The following PLPPR5 variants were observed in gnomAD, a reference collection of about 807,000 sequenced individuals.
The protein encoded by PLPPR5 is phospholipid phosphatase related 5, also known as phospholipid phosphatase-related protein type 5.
A neutral mutation model predicts 33.9 loss-of-function variants in PLPPR5; 16 were observed. That is an observed-to-expected ratio of 0.47 (90% CI 0.32 to 0.72). The LOEUF is 0.72. PLPPR5 is among the 30% of genes least tolerant of loss of function. The pLI is 0.03. For synonymous variants in PLPPR5, 163 were observed against 150.3 expected (o/e 1.08, Z -0.62); for missense variants, 301 against 406.7 (o/e 0.74, Z 2.23).
chr1:98,938,503 A>T lies in PLPPR5; in HGVS notation c.621+14567T>A, dbSNP rs538433724. Reference sequence around the variant, plus strand: ...ACATAAAATAGCATATTGAATATTTATAGCTTTAAAATTAAAATACATTTA... The same window carrying T: ...ACATAAAATAGCATATTGAATATTTTTAGCTTTAAAATTAAAATACATTTA... On this transcript the variant is annotated intron_variant, in intron 3 of 5. Transcript: ENST00000263177. Among the ~76,000 whole-genome samples the T allele has an allele frequency of 2.8e-3, 420 of 148,392 alleles. 2 individuals are homozygous for T. The highest frequency in any genetic ancestry group is 4.7e-3 in the Non-Finnish European group (313 of 67,282).
chr1:98,908,853 C>T (rs1460185065), intron 5 of PLPPR5, among the ~76,000 whole-genome samples: 2 of 152,074 alleles, frequency 1.3e-5, no homozygotes, highest in African/African-American at 4.8e-5. Flanking sequence ...TGTGTGAGCC[C>T]TAAGGAAGTA....
intron 1 of PLPPR5, among the ~76,000 whole-genome samples, chr1:98,963,477 C>T (rs1651319973): frequency 6.6e-6 from 1 of 152,176 alleles, no homozygotes. Context: ...GAAGAGAATG[C>T]AGTTCAATCT....
At chr1:98,966,672 T>A (rs1269795733) in intron 1 of PLPPR5, among the ~76,000 whole-genome samples, 4 of 152,200 alleles carry the variant, frequency 2.6e-5, no homozygotes, top group African/African-American at 9.6e-5. Flanking sequence ...AGAATTGGAT[T>A]TGATCCTTTG....
chr1:98,970,652 C>T (rs913530363), intron 1 of PLPPR5, among the ~76,000 whole-genome samples: 2 of 151,878 alleles, frequency 1.3e-5, no homozygotes, highest in Non-Finnish European at 2.9e-5. Flanking sequence ...CCTCACAACT[C>T]CCCTATGAGG....
intron 1 of PLPPR5, among the ~76,000 whole-genome samples, chr1:98,987,590 C>A (rs1652302760): frequency 6.6e-6 from 1 of 151,782 alleles, no homozygotes; most frequent in African/African-American, 2.4e-5. Context: ...CTTTTGCAAG[C>A]AACTGTAATC....
intron 3 of PLPPR5, among the ~76,000 whole-genome samples, chr1:98,932,716 T>C (rs1416151471): frequency 2.0e-5 from 3 of 152,208 alleles, no homozygotes; most frequent in Admixed American, 6.5e-5. Context: ...CTACTTCCCC[T>C]CTAGCCTGCA....
chr1:98,964,410 C>T (rs545799739), intron 1 of PLPPR5, among the ~76,000 whole-genome samples: 2 of 152,244 alleles, frequency 1.3e-5, no homozygotes, highest in South Asian at 4.1e-4. Context: ...GATCAACGGG[C>T]CTCCCATGGA....
chr1:98,951,638 G>C (rs765568208), intron 3 of PLPPR5, among the ~76,000 whole-genome samples: 1 of 152,078 alleles, frequency 6.6e-6, no homozygotes, highest in Non-Finnish European at 1.5e-5. Context: ...AAATTATCCT[G>C]CCATTGTAAA....
intron 1 of PLPPR5, among the ~76,000 whole-genome samples, chr1:98,964,982 T>TTTC (rs1651380273): frequency 6.6e-6 from 1 of 150,742 alleles, no homozygotes; most frequent in Non-Finnish European, 1.5e-5. Context: ...GATTTTTTTT[T>TTTC]TTTTTTTTTT....
chr1:99,005,646 G>C (rs1395010933), upstream of PLPPR5, among the ~76,000 whole-genome samples: 1 of 152,034 alleles, frequency 6.6e-6, no homozygotes, highest in Non-Finnish European at 1.5e-5. Context: ...GGCACTGAGC[G>C]GTCCCAGCCA....
In PLPPR5 at chr1:98,914,648, G is replaced by T. The variant is rs973888716; in HGVS notation, c.933+138C>A. 4.1e-5 allele frequency: 30 copies of T among 732,854 alleles called. No homozygotes were observed. The African/African-American group carries it at 5.2e-4, about 13-fold the overall frequency. The allele number at this position is 732,854 out of a possible 1,614,324, so 45.4% of individuals were successfully genotyped here. A position where few individuals can be genotyped will look rare whatever the true frequency, so the allele number is the denominator to read the frequency against. ...ATATTTTTCTATGATTATCTCTTTA[G>T]TGGCTAAATTCTTGCTAAATATCAC... is the stretch of plus-strand genomic sequence containing the variant. On this transcript the variant is annotated intron_variant, in intron 5 of 5. Coordinates refer to ENST00000263177, the MANE Select transcript of PLPPR5 (RefSeq NM_001037317.2).
chr1:98,957,287 G>A (rs1326008182), intron 1 of PLPPR5, among the ~76,000 whole-genome samples: 1 of 151,596 alleles, frequency 6.6e-6, no homozygotes, highest in Non-Finnish European at 1.5e-5. Flanking sequence ...GTATACATAT[G>A]TAACTAACCT....
intron 1 of PLPPR5, among the ~76,000 whole-genome samples, chr1:98,985,834 T>C (rs938001347): frequency 2.0e-5 from 3 of 152,222 alleles, no homozygotes; most frequent in Admixed American, 2.0e-4. Context: ...TTTAGGTTTG[T>C]GTAAGTACAC....
At position 98,956,671 on chromosome 1, in the gene PLPPR5, GT is replaced by G. The variant is rs1651013584; in HGVS notation, c.307del (p.Thr103LeufsTer3). The G allele has an allele frequency of 1.2e-6, 2 of 1,601,766 alleles. No individual in the cohort carries two copies. The highest frequency in any genetic ancestry group is 1.7e-6 in the Non-Finnish European group (2 of 1,175,396). On this transcript the variant is annotated frameshift_variant, in exon 2 of 6. Coordinates refer to ENST00000263177, the MANE Select transcript of PLPPR5 (RefSeq NM_001037317.2). LOFTEE classifies it high-confidence loss of function. ...ATRDFENQEK[T>X]ILTGDCCYIN... ...ATAGCAACAGTCTCCAGTTAAAATA[GT>G]TTTTTCCTGGTTTTCAAAATCCCTT...
intron 3 of PLPPR5, among the ~76,000 whole-genome samples, chr1:98,942,523 C>T (rs1347339620): frequency 1.3e-5 from 2 of 152,186 alleles, no homozygotes; most frequent in Non-Finnish European, 2.9e-5. Context: ...AGGTAAATTT[C>T]TCTAATCTCT....
chr1:98,971,911 C>G (rs1216910747), intron 1 of PLPPR5, among the ~76,000 whole-genome samples: 1 of 152,038 alleles, frequency 6.6e-6, no homozygotes, highest in Non-Finnish European at 1.5e-5. Context: ...CAAGGCTCCC[C>G]CCATGGTCTC....
intron 3 of PLPPR5, among the ~76,000 whole-genome samples, chr1:98,943,145 TA>T (rs1650439487): frequency 6.6e-6 from 1 of 152,098 alleles, no homozygotes; most frequent in Non-Finnish European, 1.5e-5. Context: ...GACTACCTAA[TA>T]TATATCATCC....
intron 5 of PLPPR5, among the ~76,000 whole-genome samples, chr1:98,905,282 T>C (rs935868579): frequency 6.6e-6 from 1 of 152,188 alleles, no homozygotes; most frequent in Non-Finnish European, 1.5e-5. Context: ...CAGAACACTT[T>C]TCCATGTATT....
In PLPPR5 at chr1:98,892,059, G is replaced by A. The variant is rs980344256; in HGVS notation, c.*1013C>T. 2 of 152,064 alleles carry A rather than the reference G, an allele frequency of 1.3e-5. No individual in the cohort carries two copies. Among genetic ancestry groups the A allele is most frequent in the Admixed American group, 1.3e-4 (2 of 15,236 alleles). The allele number at this position is 152,064 out of a possible 1,614,324, so 9.4% of individuals were successfully genotyped here. A position where few individuals can be genotyped will look rare whatever the true frequency, so the allele number is the denominator to read the frequency against. The stretch of plus-strand genomic sequence containing the variant: ...ATGAGGATTACATAAAATAATTGGT[G>A]TAAATATGCTTTGTAAACTATAAAG... On this transcript the variant is annotated 3_prime_UTR_variant, in exon 6 of 6. Coordinates refer to ENST00000263177, the MANE Select transcript of PLPPR5 (RefSeq NM_001037317.2).
Sources: gnomAD v4.1 joint callset for allele counts (sites outside exome capture counted in the v4.1 genomes callset) on GRCh38, gnomAD v4.1.1 for gene constraint, MANE v1.5 for transcripts, NCBI Gene and HGNC (gene_info 2026-07-23, HGNC 2026-07-21) for gene names.